Variants in DUX4 observed in about 807,000 individuals in gnomAD.
DUX4 encodes double homeobox protein 4.
downstream of DUX4, among the ~76,000 whole-genome samples, chr4:190,179,450 GTAA>G (rs1742493563): frequency 6.7e-6 from 1 of 149,356 alleles, no homozygotes; most frequent in Non-Finnish European, 1.5e-5. Context: ...AAAGCACCCT[GTAA>G]GCAGATCCTA....
At chr4:190,179,170 G>A (rs1742481007), downstream of DUX4, among the ~76,000 whole-genome samples, 8 of 152,094 alleles carry the variant, frequency 5.3e-5, no homozygotes, top group African/African-American at 1.4e-4. Context: ...ACATTGCAAT[G>A]CCCCTGTAGG....
chr4:190,179,526 A>AAATATGTCACAAGCCCCCTTTAGGTAGT (rs1742501646), downstream of DUX4, among the ~76,000 whole-genome samples: 20 of 136,032 alleles, frequency 1.5e-4, no homozygotes, highest in South Asian at 2.2e-4. Flanking sequence ...CTGTAGGCAG[A>AAATATGTCACAAGCCCCCTTTAGGTAGT]GCCTAGACAA....
intron 1 of DUX4, among the ~76,000 whole-genome samples, chr4:190,181,587 CG>C: frequency 2.2e-4 from 1 of 4,536 alleles, no homozygotes; most frequent in Non-Finnish European, 4.8e-4. Context: ...CCTAGTCAAG[CG>C]TTACATCACC....
downstream of DUX4, among the ~76,000 whole-genome samples, chr4:190,178,645 T>TTAGGCCGAACTTAG (rs1742438920): frequency 6.6e-6 from 1 of 152,250 alleles, no homozygotes; most frequent in Non-Finnish European, 1.5e-5. Flanking sequence ...AGGCAGTGCT[T>TTAGGCCGAACTTAG]ATAAAAGTGT....
downstream of DUX4, among the ~76,000 whole-genome samples, chr4:190,176,787 G>A (rs1742321774): frequency 7.5e-6 from 1 of 132,924 alleles, no homozygotes; most frequent in African/African-American, 2.5e-5. Flanking sequence ...GTCCCCTGTA[G>A]GCAGTGCCTA....
chr4:190,181,290 CG>C (rs1742561916), intron 1 of DUX4, among the ~76,000 whole-genome samples: 9 of 108,702 alleles, frequency 8.3e-5, no homozygotes, highest in East Asian at 2.9e-4. Flanking sequence ...GTGACAATGC[CG>C]CCAGTAGGCA....
At chr4:190,183,897 A>G (rs1742635816) in intron 1 of DUX4, among the ~76,000 whole-genome samples, 5 of 121,576 alleles carry the variant, frequency 4.1e-5, no homozygotes, top group African/African-American at 1.3e-4. Flanking sequence ...GGAGTCTGAA[A>G]TTGTCATGCA....
At chr4:190,177,868 C>CA (rs1742391611), downstream of DUX4, among the ~76,000 whole-genome samples, 1 of 137,468 alleles carries the variant, frequency 7.3e-6, no homozygotes, top group Non-Finnish European at 1.6e-5. Flanking sequence ...AGATATGTCA[C>CA]AATGTCCCTG....
At chr4:190,179,552 G>A (rs1742503220), downstream of DUX4, among the ~76,000 whole-genome samples, 2 of 83,636 alleles carry the variant, frequency 2.4e-5, no homozygotes, top group Non-Finnish European at 2.3e-5. Context: ...ATATCACCTG[G>A]GTGATCAGTG....
At chr4:190,183,984 A>T (rs1327054722) in intron 1 of DUX4, among the ~76,000 whole-genome samples, 14,057 of 100,394 alleles carry the variant, frequency 0.14, 294 homozygotes, top group East Asian at 0.3. Context: ...TGACACACAC[A>T]GGCTGGCTCT....
downstream of DUX4, among the ~76,000 whole-genome samples, chr4:190,176,861 A>C (rs1365877760): frequency 4.3e-4 from 47 of 109,480 alleles, no homozygotes; most frequent in African/African-American, 1.0e-3. Flanking sequence ...CTGTAGGCAA[A>C]GCCCATACAA....
At chr4:190,176,632 G>A (rs1336800975), downstream of DUX4, among the ~76,000 whole-genome samples, 1 of 114,168 alleles carries the variant, frequency 8.8e-6, no homozygotes. Flanking sequence ...GTGCAGAGAT[G>A]TGTCACAAAG....
downstream of DUX4, among the ~76,000 whole-genome samples, chr4:190,177,908 C>T (rs1579833482): frequency 5.9e-3 from 360 of 61,538 alleles, no homozygotes; most frequent in East Asian, 0.013. Context: ...AGTGACATCA[C>T]CTGGGTGATC....
chr4:190,176,220 A>G (rs1336006514), downstream of DUX4, among the ~76,000 whole-genome samples: 1 of 111,310 alleles, frequency 9.0e-6, no homozygotes, highest in African/African-American at 2.6e-5. Context: ...CAGTGGAAAT[A>G]TATATCACAA....
intron 1 of DUX4, chr4:190,182,329 T>C (rs1288383524): frequency 2.0e-5 from 2 of 102,514 alleles, no homozygotes; most frequent in African/African-American, 2.7e-5. Context: ...GGGTAAGGCT[T>C]AGGGTTCAGG....
chr4:190,181,546 A>T (rs1742580652), intron 1 of DUX4, among the ~76,000 whole-genome samples: 1 of 150,944 alleles, frequency 6.6e-6, no homozygotes. Flanking sequence ...TGATCAATGC[A>T]GCGATATGTC....
chr4:190,177,914 TGATCAGTGTGGA>T (rs1742395114), downstream of DUX4, among the ~76,000 whole-genome samples: 1 of 151,292 alleles, frequency 6.6e-6, no homozygotes, highest in East Asian at 1.9e-4. Flanking sequence ...ATCACCTGGG[TGATCAGTGTGGA>T]GATATGTCAC....
At chr4:190,182,283 G>A (rs1308122926) in intron 1 of DUX4, 1 of 105,692 alleles carries the variant, frequency 9.5e-6, no homozygotes, top group Non-Finnish European at 2.3e-5. Flanking sequence ...TTAGGGTTAG[G>A]GGTTAGGCTT....
intron 1 of DUX4, among the ~76,000 whole-genome samples, chr4:190,181,364 GTAGGCAGAGCCTAAACAAGAGTTACA>G (rs1742567031): frequency 3.1e-3 from 1 of 324 alleles, no homozygotes; most frequent in African/African-American, 0.014. Flanking sequence ...AATGCCCTCT[GTAGGCAGAGCCTAAACAAGAGTTACA>G]TCATCTGGTT....
Sources: allele counts gnomAD v4.1 joint callset (sites outside exome capture counted in the v4.1 genomes callset), GRCh38; gene constraint gnomAD v4.1.1; transcripts MANE v1.5; gene names NCBI Gene and HGNC (gene_info 2026-07-23, HGNC 2026-07-21).